The following KIF6 variants were observed in gnomAD, a reference collection of about 807,000 sequenced individuals.
The protein encoded by KIF6 is kinesin family member 6.
Under a neutral mutation model 112.7 loss-of-function variants are expected in KIF6, and 106 were observed. The ratio of observed to expected loss-of-function variants is 0.94; its 90% CI spans 0.80 to 1.11. The LOEUF is 1.11. Among genes scored for constraint, KIF6 ranks in the 50% least tolerant of loss-of-function variants. The probability of loss-of-function intolerance (pLI) is 0.00; values close to 1 mark genes in which losing one functional copy is unlikely to be tolerated. For missense variants in KIF6, 929 were observed against 964.0 expected, an observed-to-expected ratio of 0.96 and a Z score of 0.48; for synonymous variants, 339 against 339.9, an observed-to-expected ratio of 1.00 and a Z score of 0.03.
At chr6:39,551,370 G>A (rs1465355047) in intron 10 of KIF6, among the ~76,000 whole-genome samples, 1 of 152,164 alleles carries the variant, frequency 6.6e-6, no homozygotes, top group African/African-American at 2.4e-5. Flanking sequence ...AGGATAAAGA[G>A]AGGATGGTTA....
At chr6:39,467,370 A>T (rs1773854668) in intron 13 of KIF6, among the ~76,000 whole-genome samples, 1 of 152,228 alleles carries the variant, frequency 6.6e-6, no homozygotes, top group Non-Finnish European at 1.5e-5. Context: ...ACTGCATCAA[A>T]CTGTGAGGAA....
At chr6:39,464,914 T>C (rs1204828368) in intron 13 of KIF6, among the ~76,000 whole-genome samples, 1 of 152,240 alleles carries the variant, frequency 6.6e-6, no homozygotes, top group Non-Finnish European at 1.5e-5. Context: ...TGTCCCAGTT[T>C]ATGGCAAAAG....
At chr6:39,705,429 C>A (rs1017342154) in intron 3 of KIF6, among the ~76,000 whole-genome samples, 1 of 152,176 alleles carries the variant, frequency 6.6e-6, no homozygotes, top group African/African-American at 2.4e-5. Context: ...ATAAAACTCA[C>A]TTTATAAGAA....
At chr6:39,676,785 C>G (rs1208217954) in intron 3 of KIF6, among the ~76,000 whole-genome samples, 1 of 150,872 alleles carries the variant, frequency 6.6e-6, no homozygotes, top group Admixed American at 6.6e-5. Context: ...GCAGAGAAAA[C>G]AAATAAGGAA....
At chr6:39,568,948 TTCTC>T (rs149756382) in intron 10 of KIF6, among the ~76,000 whole-genome samples, 2 of 149,504 alleles carry the variant, frequency 1.3e-5, no homozygotes, top group Non-Finnish European at 1.5e-5. Context: ...CTGTAGGCCT[TTCTC>T]TCTCTCTCTC....
intron 13 of KIF6, among the ~76,000 whole-genome samples, chr6:39,537,987 AT>A (rs991569014): frequency 2.0e-5 from 3 of 152,220 alleles, no homozygotes; most frequent in African/African-American, 7.2e-5. Flanking sequence ...TATTTAACAA[AT>A]GGTGCTGGGA....
At chr6:39,596,544 C>T (rs1354895200) in intron 6 of KIF6, among the ~76,000 whole-genome samples, 1 of 152,128 alleles carries the variant, frequency 6.6e-6, no homozygotes, top group African/African-American at 2.4e-5. Flanking sequence ...ATTTCATTAC[C>T]TGTCTATAAT....
At chr6:39,337,048 T>TTTTC (rs140198007) in intron 22 of KIF6, among the ~76,000 whole-genome samples, 1,910 of 128,210 alleles carry the variant, frequency 0.015, 62 homozygotes, top group African/African-American at 0.049. Flanking sequence ...CTTCCTTCCT[T>TTTTC]TTTCTTTCTT....
chr6:39,437,868 G>A, intron 13 of KIF6, among the ~76,000 whole-genome samples: 1 of 152,128 alleles, frequency 6.6e-6, no homozygotes, highest in East Asian at 1.9e-4. Flanking sequence ...CTACTGTGAT[G>A]CCAGTTGTAT....
At chr6:39,533,753 C>T (rs1209171733) in intron 13 of KIF6, among the ~76,000 whole-genome samples, 2 of 152,234 alleles carry the variant, frequency 1.3e-5, no homozygotes, top group African/African-American at 2.4e-5. Flanking sequence ...TGGCAGACTG[C>T]CTCCTCAAGT....
At chr6:39,609,763 C>G (rs1554134785) in intron 6 of KIF6, among the ~76,000 whole-genome samples, 1 of 151,696 alleles carries the variant, frequency 6.6e-6, no homozygotes, top group Non-Finnish European at 1.5e-5. Flanking sequence ...TTTTTTTTGC[C>G]TCTGGGAGTG....
At chr6:39,677,383 C>T (rs552149370) in intron 3 of KIF6, among the ~76,000 whole-genome samples, 1 of 151,884 alleles carries the variant, frequency 6.6e-6, no homozygotes, top group Admixed American at 6.6e-5. Context: ...CTTGATAAAT[C>T]AAACAGAAAA....
intron 3 of KIF6, among the ~76,000 whole-genome samples, chr6:39,655,097 C>T (rs1785696098): frequency 6.6e-6 from 1 of 152,164 alleles, no homozygotes; most frequent in Non-Finnish European, 1.5e-5. Context: ...TATTTCCTCA[C>T]TTGCTTTTGA....
chr6:39,570,963 CCTAA>C (rs1780608767), intron 10 of KIF6, among the ~76,000 whole-genome samples: 1 of 152,154 alleles, frequency 6.6e-6, no homozygotes, highest in African/African-American at 2.4e-5. Flanking sequence ...CAGAGAATTT[CCTAA>C]CTGACTCTTG....
At chr6:39,365,699 C>T (rs910828008) in intron 16 of KIF6, among the ~76,000 whole-genome samples, 2 of 152,226 alleles carry the variant, frequency 1.3e-5, no homozygotes, top group African/African-American at 2.4e-5. Context: ...TGTGAATTTC[C>T]TTCCTCCTTT....
chr6:39,355,084 G>T (rs60033899), intron 19 of KIF6, among the ~76,000 whole-genome samples: 4,797 of 152,206 alleles, frequency 0.032, 265 homozygotes, highest in African/African-American at 0.11. Context: ...TACTCAGGAG[G>T]CTGAGGCAGG....
Position 39,426,677 on chromosome 6 carries a change from G to A in KIF6, c.1754+4376C>T, listed in dbSNP as rs140838572. On this transcript the variant is annotated intron_variant, in intron 14 of 22. Transcript: ENST00000287152. ...GAGGCAGGAGGATCACTTGAATCTG[G>A]GAGGTTGAGGCTGCAGTAAGCCATG... Among the ~76,000 whole-genome samples the A allele has an allele frequency of 3.0e-4, 46 of 152,192 alleles. No individual in the cohort carries two copies. The East Asian group carries it at 7.2e-3, about 24-fold the overall frequency.
chr6:39,575,026 G>A (rs1259166290), intron 10 of KIF6, among the ~76,000 whole-genome samples: 1 of 152,114 alleles, frequency 6.6e-6, no homozygotes, highest in Non-Finnish European at 1.5e-5. Flanking sequence ...TTGTTTTATA[G>A]ATGTAATACC....
intron 16 of KIF6, among the ~76,000 whole-genome samples, chr6:39,379,788 T>C (rs1234080286): frequency 3.9e-5 from 6 of 152,240 alleles, no homozygotes; most frequent in South Asian, 4.1e-4. Flanking sequence ...GATTCCATGA[T>C]GCCTGGCAAA....
Sources: gnomAD v4.1 joint callset for allele counts (sites outside exome capture counted in the v4.1 genomes callset) on GRCh38, gnomAD v4.1.1 for gene constraint, MANE v1.5 for transcripts, NCBI Gene and HGNC (gene_info 2026-07-23, HGNC 2026-07-21) for gene names.